Variants in THSD7A observed in about 807,000 individuals in gnomAD.
The protein encoded by THSD7A is thrombospondin type 1 domain containing 7A, also known as thrombospondin type-1 domain-containing protein 7A.
THSD7A carries 96 observed loss-of-function variants against 231.3 expected under a neutral mutation model. That is an observed-to-expected ratio of 0.41 (90% CI 0.35 to 0.49). THSD7A has a LOEUF of 0.49. THSD7A is among the 20% of genes least tolerant of loss of function. The pLI, the probability that THSD7A is intolerant of heterozygous loss-of-function variation, is 0.05. For missense variants in THSD7A, 2,290 were observed against 2,070.2 expected (o/e 1.11, Z -2.06); for synonymous variants, 940 against 743.3 (o/e 1.26, Z -4.30).
chr7:11,505,318 A>G lies in THSD7A; in HGVS notation c.1823-23336T>C, dbSNP rs1180481312. On this transcript the variant is annotated intron_variant, in intron 6 of 27. Transcript: ENST00000423059. Reference sequence around the variant, plus strand: ...CAAGGGCTACTAACTTCAAATATCCATTTCAAATATTTGATATGAGAGTCT... The same window carrying G: ...CAAGGGCTACTAACTTCAAATATCCGTTTCAAATATTTGATATGAGAGTCT... Among the ~76,000 whole-genome samples, 4 of 152,168 alleles carry G rather than the reference A, an allele frequency of 2.6e-5. No individual in the cohort carries two copies. The East Asian group carries it at 7.7e-4, about 29-fold the overall frequency.
At chr7:11,527,469 G>C (rs73070870) in intron 6 of THSD7A, among the ~76,000 whole-genome samples, 7,499 of 152,114 alleles carry the variant, frequency 0.049, 238 homozygotes, top group South Asian at 0.085. Context: ...CTTTTGTAAG[G>C]ACAGTTGATG....
intron 1 of THSD7A, among the ~76,000 whole-genome samples, chr7:11,703,124 T>C (rs1243492643): frequency 2.6e-5 from 4 of 151,250 alleles, no homozygotes; most frequent in Non-Finnish European, 5.9e-5. Flanking sequence ...TAAATGGCTC[T>C]TGCTTCAGTT....
intron 22 of THSD7A, among the ~76,000 whole-genome samples, chr7:11,405,026 G>T (rs188438745): frequency 6.6e-6 from 1 of 152,152 alleles, no homozygotes; most frequent in East Asian, 1.9e-4. Flanking sequence ...CAATACAATA[G>T]TTGGATATTT....
chr7:11,389,421 C>CCTTTTTTTTTT (rs1782891472), intron 23 of THSD7A, among the ~76,000 whole-genome samples: 1 of 37,588 alleles, frequency 2.7e-5, no homozygotes, highest in African/African-American at 9.6e-5. Context: ...GCAACTCCTG[C>CCTTTTTTTTTT]TTTTTTTTTT....
At position 11,406,899 on chromosome 7, in the gene THSD7A, A is replaced by G. The variant is rs762983174; in HGVS notation, c.4062+11T>C. ...GTACACACTTCCTGACAACTTCTTGAGATTTGATACCTGCACTTGGCATGG... is the reference window on the plus strand; with the variant it reads ...GTACACACTTCCTGACAACTTCTTGGGATTTGATACCTGCACTTGGCATGG... On this transcript the variant is annotated intron_variant, in intron 21 of 27. Transcript: ENST00000423059. The surrounding 1 kb of genome is among the most constrained non-coding windows in gnomAD (Gnocchi z 4.7). 3 of 1,613,372 alleles carry G rather than the reference A, an allele frequency of 1.9e-6. No homozygotes were observed. Among genetic ancestry groups the G allele is most frequent in the Non-Finnish European group, 1.7e-6 (2 of 1,179,710 alleles).
At chr7:11,521,824 A>G (rs1328069794) in intron 6 of THSD7A, among the ~76,000 whole-genome samples, 1 of 151,926 alleles carries the variant, frequency 6.6e-6, no homozygotes, top group East Asian at 1.9e-4. Context: ...CTCAACTTCA[A>G]TGTACCCTTT....
At chr7:11,692,384 G>A (rs1378522388) in intron 1 of THSD7A, among the ~76,000 whole-genome samples, 2 of 151,506 alleles carry the variant, frequency 1.3e-5, no homozygotes, top group African/African-American at 4.8e-5. Context: ...TACTTCAAGA[G>A]CAATTCTCTA....
At chr7:11,808,835 A>G (rs909433257) in intron 1 of THSD7A, among the ~76,000 whole-genome samples, 2 of 152,150 alleles carry the variant, frequency 1.3e-5, no homozygotes, top group African/African-American at 2.4e-5. Context: ...GGCAAAAAAT[A>G]TATACCTACA....
chr7:11,626,769 T>A (rs1781484085), intron 2 of THSD7A, among the ~76,000 whole-genome samples: 1 of 152,090 alleles, frequency 6.6e-6, no homozygotes, highest in South Asian at 2.1e-4. Context: ...ATATTAATAA[T>A]GGTATATTTT....
At chr7:11,470,095 C>T (rs1250183030) in intron 8 of THSD7A, 101 bp from the exon 9 acceptor site, 2 of 784,246 alleles carry the variant, frequency 2.6e-6, no homozygotes, top group African/African-American at 3.4e-5. Context: ...CAAAACAAGT[C>T]ACTCATCTGT....
chr7:11,407,524 C>G, intron 19 of THSD7A, 101 bp from the exon 20 acceptor site: 1 of 807,458 alleles, frequency 1.2e-6, no homozygotes, highest in East Asian at 2.7e-5. Context: ...AAAAAGCAAG[C>G]CACATAAGAG....
At chr7:11,603,650 T>C (rs1466403157) in intron 2 of THSD7A, among the ~76,000 whole-genome samples, 2 of 151,512 alleles carry the variant, frequency 1.3e-5, no homozygotes, top group African/African-American at 4.9e-5. Context: ...AATGATAGAC[T>C]GGATTAAGAA....
At chr7:11,734,931 A>G (rs1781859040) in intron 1 of THSD7A, among the ~76,000 whole-genome samples, 1 of 151,864 alleles carries the variant, frequency 6.6e-6, no homozygotes, top group Non-Finnish European at 1.5e-5. Context: ...TGCTTAGAGG[A>G]CCAGATTTGA....
intron 24 of THSD7A, 144 bp downstream of exon 24, chr7:11,382,377 G>T: frequency 1.5e-6 from 1 of 659,302 alleles, no homozygotes; most frequent in Non-Finnish European, 2.7e-6. Context: ...TCACCAGATG[G>T]GTATATACAG....
chr7:11,498,612 T>C (rs62438218), intron 6 of THSD7A, among the ~76,000 whole-genome samples: 13,311 of 152,176 alleles, frequency 0.087, 703 homozygotes, highest in African/African-American at 0.14. Flanking sequence ...ACAGCACAGC[T>C]GCTTTATCAA....
rs780905579 is a variant in THSD7A at position 11,590,641 on chromosome 7, C to T, written c.1272G>A (p.Thr424=). The T allele has an allele frequency of 6.3e-7, 1 of 1,599,922 alleles. No individual in the cohort carries two copies. The change falls in exon 4 of 28, where the codon ACG becomes ACA. Residue 424 remains threonine (T), a splice_region_variant and synonymous_variant. Transcript: ENST00000423059. This position sits in a 1 kb window ranked among gnomAD's most constrained non-coding sequence, Gnocchi z 4.4. ...TCCACTCTGTAGTTCTCCAGCCATACCTAAATAAAGACAACACCACCAGCA... is the reference window on the plus strand; with the variant it reads ...TCCACTCTGTAGTTCTCCAGCCATATCTAAATAAAGACAACACCACCAGCA... ...SQGDGVVPCA[T]YGWRTTEWTE...
chr7:11,591,658 G>C (rs919228729), intron 3 of THSD7A, among the ~76,000 whole-genome samples: 1 of 152,050 alleles, frequency 6.6e-6, no homozygotes, highest in African/African-American at 2.4e-5. Flanking sequence ...TTATAAGTGG[G>C]GATTTGTTGC....
intron 1 of THSD7A, among the ~76,000 whole-genome samples, chr7:11,770,632 C>A (rs547517431): frequency 1.3e-5 from 2 of 152,248 alleles, no homozygotes; most frequent in South Asian, 2.1e-4. Flanking sequence ...CTACACATAG[C>A]ATGAAAATTG....
At chr7:11,692,181 A>G (rs151078818) in intron 1 of THSD7A, among the ~76,000 whole-genome samples, 89 of 151,566 alleles carry the variant, frequency 5.9e-4, no homozygotes, top group African/African-American at 2.1e-3. Context: ...GAGTAGAAAT[A>G]TTGTCTACAA....
Sources: allele counts gnomAD v4.1 joint callset (sites outside exome capture counted in the v4.1 genomes callset), GRCh38; gene constraint gnomAD v4.1.1; non-coding constraint Gnocchi (gnomAD v3.1); transcripts MANE v1.5; gene names NCBI Gene and HGNC (gene_info 2026-07-23, HGNC 2026-07-21).